KIF26B: variants seen among roughly 807,000 people sequenced by gnomAD.
The protein encoded by KIF26B is kinesin-like protein KIF26B.
Under a neutral mutation model 151.2 loss-of-function variants are expected in KIF26B, and 63 were observed. The ratio of observed to expected loss-of-function variants is 0.42; its 90% CI spans 0.34 to 0.51. The LOEUF (loss-of-function observed/expected upper bound fraction) is 0.51, where lower values mean the gene tolerates loss of function less well. KIF26B is among the 20% of genes least tolerant of loss of function. The pLI is 0.07. For synonymous variants in KIF26B, 1,357 were observed against 1,262.1 expected (o/e 1.08, Z -1.59); for missense variants, 2,813 against 2,913.6 (o/e 0.97, Z 0.79).
intron 2 of KIF26B, among the ~76,000 whole-genome samples, chr1:245,280,598 T>A (rs79581889): frequency 3.2e-5 from 1 of 31,398 alleles, no homozygotes; most frequent in African/African-American, 1.4e-4. Flanking sequence ...GAAGTTTTCG[T>A]TTTTTTTTTT....
At chr1:245,547,521 G>T (rs1322498660) in intron 5 of KIF26B, among the ~76,000 whole-genome samples, 1 of 147,276 alleles carries the variant, frequency 6.8e-6, no homozygotes, top group Non-Finnish European at 1.5e-5. Context: ...GGGAGGCGGA[G>T]TTGCAGTAAG....
At chr1:245,159,165 GAC>G (rs1433492008) in intron 2 of KIF26B, among the ~76,000 whole-genome samples, 1 of 152,162 alleles carries the variant, frequency 6.6e-6, no homozygotes, top group African/African-American at 2.4e-5. Context: ...GGAAGATAAA[GAC>G]ATGTTTTTGA....
chr1:245,228,337 C>T (rs539231436), intron 2 of KIF26B, among the ~76,000 whole-genome samples: 10 of 152,192 alleles, frequency 6.6e-5, no homozygotes, highest in East Asian at 3.9e-4. Flanking sequence ...GTTGCCCAGG[C>T]GGGCGGATCA....
At chr1:245,430,568 G>T (rs980773420) in intron 4 of KIF26B, among the ~76,000 whole-genome samples, 8 of 152,134 alleles carry the variant, frequency 5.3e-5, no homozygotes, top group African/African-American at 1.9e-4. Context: ...TTGCGGGGCT[G>T]GGGCAGGAGG....
chr1:245,343,155 G>C (rs1030431886), intron 2 of KIF26B, among the ~76,000 whole-genome samples: 1 of 151,988 alleles, frequency 6.6e-6, no homozygotes, highest in Non-Finnish European at 1.5e-5. Flanking sequence ...TATATTTCAG[G>C]TGTCTGTCTT....
chr1:245,682,731 T>C (rs1201360193), intron 10 of KIF26B, among the ~76,000 whole-genome samples: 2 of 151,870 alleles, frequency 1.3e-5, no homozygotes, highest in African/African-American at 2.4e-5. Flanking sequence ...ACAACCTAAC[T>C]GAGCAGAACT....
chr1:245,687,832 A>C lies in KIF26B; in HGVS notation c.4849A>C (p.Ser1617Arg). ...GAAGAACCGGGCCAGCCCTCAGCAC[A>C]GTGCCAGCGGCAGCGGCACCAGCAG... is the stretch of plus-strand genomic sequence containing the variant. The part of the protein sequence containing the change: ...DQKNRASPQH[S>R]ASGSGTSSPL... Residue 1617 changes from serine to arginine, a missense_variant, in exon 12 of 15, where the codon AGT becomes CGT. By Grantham distance (110) the Ser-to-Arg change is moderately radical (BLOSUM62 -1). Coordinates refer to ENST00000407071, the MANE Select transcript of KIF26B (RefSeq NM_018012.4). This position sits in a 1 kb window ranked among gnomAD's most constrained non-coding sequence, Gnocchi z 4.9. 1 of 1,596,390 alleles carries C rather than the reference A, an allele frequency of 6.3e-7. No individual in the cohort carries two copies. Among genetic ancestry groups the C allele is most frequent in the Non-Finnish European group, 8.5e-7 (1 of 1,172,170 alleles).
chr1:245,579,655 CAAAA>C (rs1400254267), intron 5 of KIF26B, among the ~76,000 whole-genome samples: 1 of 128,488 alleles, frequency 7.8e-6, no homozygotes, highest in Non-Finnish European at 1.6e-5. Flanking sequence ...ACTAAAAATA[CAAAA>C]AACAAACAAA....
At chr1:245,291,868 G>C (rs575930325) in intron 2 of KIF26B, among the ~76,000 whole-genome samples, 1 of 152,204 alleles carries the variant, frequency 6.6e-6, no homozygotes, top group East Asian at 1.9e-4. Context: ...GTGTGCAGAA[G>C]GGCCCTGGTG....
rs909299695 is a variant in KIF26B, at chr1:245,708,950, T to C, written c.*6344T>C. 11 of 152,258 alleles carry C rather than the reference T, an allele frequency of 7.2e-5. No individual in the cohort carries two copies. Among genetic ancestry groups the C allele is most frequent in the African/African-American group, 2.7e-4 (11 of 41,466 alleles). The allele number at this position is 152,258 out of a possible 1,614,324, so 9.4% of individuals were successfully genotyped here. A position where few individuals can be genotyped will look rare whatever the true frequency, so the allele number is the denominator to read the frequency against. Reference sequence around the variant, plus strand: ...TAAATAAGTTCATAAAATCTTGTTTTACAATTCAATGGTAGTGCTTAATGT... The same window carrying C: ...TAAATAAGTTCATAAAATCTTGTTTCACAATTCAATGGTAGTGCTTAATGT... On this transcript the variant is annotated 3_prime_UTR_variant, in exon 15 of 15. Transcript: ENST00000407071.
chr1:245,252,244 C>G (rs1369647150), intron 2 of KIF26B, among the ~76,000 whole-genome samples: 4 of 148,144 alleles, frequency 2.7e-5, no homozygotes, highest in African/African-American at 5.0e-5. Context: ...CCTCTGTACT[C>G]CAGCCTGGGC....
At chr1:245,344,452 G>A (rs574459269) in intron 2 of KIF26B, among the ~76,000 whole-genome samples, 11 of 129,970 alleles carry the variant, frequency 8.5e-5, no homozygotes, top group South Asian at 5.2e-4. Context: ...CCGAGATCGC[G>A]CCACTGCACT....
chr1:245,400,976 A>G (rs1056084640), intron 3 of KIF26B, among the ~76,000 whole-genome samples: 2 of 152,198 alleles, frequency 1.3e-5, no homozygotes, highest in Admixed American at 1.3e-4. Context: ...TGAATAGCCA[A>G]TGATCCCATT....
chr1:245,205,329 T>C (rs1008417721), intron 2 of KIF26B, among the ~76,000 whole-genome samples: 1 of 152,212 alleles, frequency 6.6e-6, no homozygotes, highest in Non-Finnish European at 1.5e-5. Context: ...CTAGAGTTCA[T>C]AGTGGTATTA....
At chr1:245,517,482 A>C (rs1472558305) in intron 4 of KIF26B, among the ~76,000 whole-genome samples, 1 of 152,226 alleles carries the variant, frequency 6.6e-6, no homozygotes, top group Non-Finnish European at 1.5e-5. Flanking sequence ...AGTTTAGGAA[A>C]AATCCAGTCA....
intron 9 of KIF26B, among the ~76,000 whole-genome samples, chr1:245,622,499 G>A (rs2043674342): frequency 6.6e-6 from 1 of 152,202 alleles, no homozygotes; most frequent in African/African-American, 2.4e-5. Context: ...ACGCGTGGAT[G>A]CCTAGATCCC....
intron 10 of KIF26B, among the ~76,000 whole-genome samples, chr1:245,679,451 G>T (rs142988111): frequency 3.3e-4 from 21 of 63,398 alleles, no homozygotes; most frequent in African/African-American, 5.5e-4. Context: ...TGTTTTTTTT[G>T]TGTGTGTTTT....
intron 5 of KIF26B, among the ~76,000 whole-genome samples, chr1:245,574,930 TC>T (rs996673036): frequency 4.0e-5 from 6 of 148,212 alleles, no homozygotes; most frequent in African/African-American, 1.3e-4. Flanking sequence ...AGTGGCGCGA[TC>T]TCGGCTCACT....
At chr1:245,291,686 A>G (rs1671254857) in intron 2 of KIF26B, among the ~76,000 whole-genome samples, 1 of 151,892 alleles carries the variant, frequency 6.6e-6, no homozygotes. Context: ...AAACTACGAA[A>G]TGGATGTTTG....
Sources: allele counts gnomAD v4.1 joint callset (sites outside exome capture counted in the v4.1 genomes callset), GRCh38; gene constraint gnomAD v4.1.1; non-coding constraint Gnocchi (gnomAD v3.1); transcripts MANE v1.5; gene names NCBI Gene and HGNC (gene_info 2026-07-23, HGNC 2026-07-21).